NOTCH2NLC: variants seen among roughly 807,000 people sequenced by gnomAD.
NOTCH2NLC encodes the protein notch 2 N-terminal like C.
Under a neutral mutation model 17.7 loss-of-function variants are expected in NOTCH2NLC, and 4 were observed. The ratio of observed to expected loss-of-function variants is 0.23; its 90% CI spans 0.11 to 0.52. The LOEUF is 0.52. NOTCH2NLC is among the 20% of genes least tolerant of loss of function. The pLI is 0.96. For synonymous variants in NOTCH2NLC, 18 were observed against 86.0 expected, an observed-to-expected ratio of 0.21 and a Z score of 4.38; for missense variants, 57 against 207.2, an observed-to-expected ratio of 0.28 and a Z score of 4.45.
intron 1 of NOTCH2NLC, among the ~76,000 whole-genome samples, chr1:149,415,955 A>G (rs1487612742): frequency 6.6e-6 from 1 of 150,980 alleles, no homozygotes; most frequent in East Asian, 2.0e-4. Context: ...ACTTTAATTT[A>G]TCTCCCATTT....
chr1:149,429,775 T>C (rs1457033297), intron 1 of NOTCH2NLC, among the ~76,000 whole-genome samples: 60 of 151,050 alleles, frequency 4.0e-4, no homozygotes, highest in African/African-American at 1.4e-3. Flanking sequence ...AGGCCTAGCG[T>C]CTCTGATCTT....
At chr1:149,400,184 C>T (rs1360466376) in intron 1 of NOTCH2NLC, among the ~76,000 whole-genome samples, 1 of 137,252 alleles carries the variant, frequency 7.3e-6, no homozygotes, top group Non-Finnish European at 1.6e-5. Context: ...TATATATGCA[C>T]ACACACATAA....
At chr1:149,460,909 TTCTTTC>T (rs1480517308) in intron 3 of NOTCH2NLC, among the ~76,000 whole-genome samples, 1 of 48,630 alleles carries the variant, frequency 2.1e-5, no homozygotes, top group Non-Finnish European at 4.6e-5. Context: ...CTTTCTTTCT[TTCTTTC>T]TCTCTCTTTC....
At chr1:149,424,387 A>G in intron 1 of NOTCH2NLC, among the ~76,000 whole-genome samples, 1 of 149,670 alleles carries the variant, frequency 6.7e-6, no homozygotes. Context: ...TCTTAGAGTC[A>G]TTTGGTTAGG....
intron 1 of NOTCH2NLC, among the ~76,000 whole-genome samples, chr1:149,430,574 C>T (rs1253994483): frequency 7.1e-6 from 1 of 141,064 alleles, no homozygotes; most frequent in Non-Finnish European, 1.5e-5. Context: ...TTTTCCTAAA[C>T]ACTCATTGAT....
chr1:149,429,983 G>T (rs2101488324), intron 1 of NOTCH2NLC, among the ~76,000 whole-genome samples: 1 of 151,176 alleles, frequency 6.6e-6, no homozygotes, highest in Non-Finnish European at 1.5e-5. Context: ...CAGTTGTTAG[G>T]ATTCTTGATA....
chr1:149,451,176 T>TA (rs2084589231), intron 2 of NOTCH2NLC, among the ~76,000 whole-genome samples: 1 of 146,872 alleles, frequency 6.8e-6, no homozygotes, highest in African/African-American at 2.5e-5. Context: ...GTAAAATGAT[T>TA]AAAACGGTAC....
chr1:149,470,142 C>T lies in NOTCH2NLC; in HGVS notation c.*5989C>T, dbSNP rs1385657824. 6.6e-6 allele frequency among the ~76,000 whole-genome samples: 1 copy of T among 151,328 alleles called. No individual in the cohort carries two copies. Among genetic ancestry groups the T allele is most frequent in the East Asian group, 1.9e-4 (1 of 5,132 alleles). On this transcript the variant is annotated 3_prime_UTR_variant, in exon 5 of 5. Transcript: ENST00000650865. ...TAAAGTTTCTGTTTCAGTACTTATT[C>T]CTACTTACTAGCCGTTTAATCTTGG...
Position 149,466,246 on chromosome 1 carries a change from A to ATATG in NOTCH2NLC, c.*2094_*2095insATGT, listed in dbSNP as rs1231006815. 1 of 133,126 alleles carries ATATG rather than the reference A, an allele frequency of 7.5e-6. No individual in the cohort carries two copies. The highest frequency in any genetic ancestry group is 1.7e-5 in the Non-Finnish European group (1 of 60,324). The allele number at this position is 133,126 out of a possible 1,614,324, so 8.2% of individuals were successfully genotyped here. On this transcript the variant is annotated 3_prime_UTR_variant, in exon 5 of 5. Coordinates refer to ENST00000650865, the MANE Select transcript of NOTCH2NLC (RefSeq NM_001364013.2). ...CAAATAGTACTTGTTACATATCAAT[A>ATATG]TGTGTGTGTGTGTGTGTGTGTGTGT...
At position 149,390,859 on chromosome 1, in the gene NOTCH2NLC, C is replaced by T. The variant is rs1376391857; in HGVS notation, c.72C>T (p.Arg24=). Residue 24 remains arginine (R), a synonymous_variant, in exon 1 of 5, where the codon CGC becomes CGT. Transcript: ENST00000650865. The part of the protein sequence containing the change: ...GGGGGDREDA[R]PAPLCCGRCW... Reference sequence around the variant, plus strand: ...GAGGCGGCGACCGAGAAGATGCCCGCCCTGCGCCGCTCTGCTGTGGGCGCT... The same window carrying T: ...GAGGCGGCGACCGAGAAGATGCCCGTCCTGCGCCGCTCTGCTGTGGGCGCT... 0.062 allele frequency: 88,075 copies of T among 1,421,936 alleles called. 9,155 individuals are homozygous for T. The highest frequency in any genetic ancestry group is 0.088 in the South Asian group (6,464 of 73,702). 88.1% of individuals were successfully genotyped at this position (1,421,936 alleles called of 1,614,324 possible). A position where few individuals can be genotyped will look rare whatever the true frequency, so the allele number is the denominator to read the frequency against.
intron 2 of NOTCH2NLC, among the ~76,000 whole-genome samples, chr1:149,437,075 A>G (rs1450334160): frequency 7.8e-6 from 1 of 128,072 alleles, no homozygotes; most frequent in African/African-American, 3.0e-5. Flanking sequence ...TCATAAAATA[A>G]TTACCAGTTC....
chr1:149,398,888 T>C (rs2084227598), intron 1 of NOTCH2NLC, among the ~76,000 whole-genome samples: 1 of 152,148 alleles, frequency 6.6e-6, no homozygotes, highest in South Asian at 2.1e-4. Flanking sequence ...CAAGATGGAC[T>C]CATTGTTGCA....
rs1291217542 is a variant in NOTCH2NLC, at chr1:149,464,722, A to G, written c.*569A>G. 1 of 150,700 alleles carries G rather than the reference A, an allele frequency of 6.6e-6. No homozygotes were observed. The highest frequency in any genetic ancestry group is 2.4e-5 in the African/African-American group (1 of 40,992). The allele number at this position is 150,700 out of a possible 1,614,324, so 9.3% of individuals were successfully genotyped here. On this transcript the variant is annotated 3_prime_UTR_variant, in exon 5 of 5. Transcript: ENST00000650865. The stretch of plus-strand genomic sequence containing the variant: ...AGCTGAAGCAGATGAATTACTAAGC[A>G]ACAAAGATCCTGTTTTTATACAAAT...
intron 1 of NOTCH2NLC, among the ~76,000 whole-genome samples, chr1:149,407,065 A>C (rs1179262963): frequency 1.1e-4 from 16 of 149,758 alleles, no homozygotes; most frequent in African/African-American, 3.9e-4. Flanking sequence ...AGTGTCTTGT[A>C]CCTCTCATCT....
chr1:149,390,832 A>G lies in NOTCH2NLC; in HGVS notation c.45A>G (p.Gly15=), dbSNP rs1278726608. 1 of 614,862 alleles carries G rather than the reference A, an allele frequency of 1.6e-6. No individual in the cohort carries two copies. The highest frequency in any genetic ancestry group is 2.1e-6 in the Non-Finnish European group (1 of 472,654). The allele number at this position is 614,862 out of a possible 1,614,324, so 38.1% of individuals were successfully genotyped here. A position where few individuals can be genotyped will look rare whatever the true frequency, so the allele number is the denominator to read the frequency against. The change falls in exon 1 of 5, where the codon GGA becomes GGG. Residue 15 remains glycine (G), a synonymous_variant. Transcript: ENST00000650865. Reference sequence around the variant, plus strand: ...GCGGCGGCGGCGGCGGCGGCGGCGGAGGAGGCGGCGACCGAGAAGATGCCC... The same window carrying G: ...GCGGCGGCGGCGGCGGCGGCGGCGGGGGAGGCGGCGACCGAGAAGATGCCC... ...PGGGGGGGGG[G]GGGDREDARP...
chr1:149,470,350 C>A lies in NOTCH2NLC; in HGVS notation c.*6197C>A, dbSNP rs1570925979. 6.6e-6 allele frequency among the ~76,000 whole-genome samples: 1 copy of A among 151,080 alleles called. No individual in the cohort carries two copies. The highest frequency in any genetic ancestry group is 2.4e-5 in the African/African-American group (1 of 41,146). On this transcript the variant is annotated 3_prime_UTR_variant, in exon 5 of 5. Transcript: ENST00000650865. ...TTTGAGATATAATTTATATACCATA[C>A]AATTTACTTCTTAAAAAAGTACACA...
rs2084162341 is a variant in NOTCH2NLC at position 149,390,936 on chromosome 1, T to G, written c.135+14T>G. On this transcript the variant is annotated intron_variant, in intron 1 of 4. Transcript: ENST00000650865. ...CCCCCGCGCATGGTGAGTATCGGGC[T>G]GAGGGGCGCTGTCCGCGGCGCCCGG... The G allele has an allele frequency of 7.2e-7, 1 of 1,380,890 alleles. No individual in the cohort carries two copies. The highest frequency in any genetic ancestry group is 3.6e-5 in the Admixed American group (1 of 27,532). The allele number at this position is 1,380,890 out of a possible 1,614,324, so 85.5% of individuals were successfully genotyped here. A position where few individuals can be genotyped will look rare whatever the true frequency, so the allele number is the denominator to read the frequency against.
intron 2 of NOTCH2NLC, among the ~76,000 whole-genome samples, chr1:149,445,902 A>T (rs1342039992): frequency 2.0e-3 from 119 of 58,142 alleles, no homozygotes; most frequent in African/African-American, 3.4e-3. Context: ...TCCTCGTTTT[A>T]AAAAAAAAAA....
chr1:149,463,285 C>T (rs2084662396), intron 3 of NOTCH2NLC, among the ~76,000 whole-genome samples: 2 of 149,510 alleles, frequency 1.3e-5, no homozygotes, highest in Admixed American at 6.7e-5. Flanking sequence ...CCACTGAGTC[C>T]TTGTGTCTCT....
Sources: gnomAD v4.1 joint callset for allele counts (sites outside exome capture counted in the v4.1 genomes callset) on GRCh38, gnomAD v4.1.1 for gene constraint, MANE v1.5 for transcripts, NCBI Gene and HGNC (gene_info 2026-07-23, HGNC 2026-07-21) for gene names.